PUS7: variants seen among roughly 807,000 people sequenced by gnomAD.
PUS7 encodes the protein pseudouridine synthase 7, also known as pseudouridylate synthase 7 homolog.
A neutral mutation model predicts 79.8 loss-of-function variants in PUS7; 48 were observed. That is an observed-to-expected ratio of 0.60 (90% CI 0.48 to 0.76). The LOEUF is 0.76. Among genes scored for constraint, PUS7 ranks in the 30% least tolerant of loss-of-function variants. The pLI is 0.00. For missense variants in PUS7, 729 were observed against 797.6 expected (o/e 0.91, Z 1.04); for synonymous variants, 286 against 272.2 (o/e 1.05, Z -0.50).
At chr7:105,492,690 A>G (rs1351910567) in intron 6 of PUS7, among the ~76,000 whole-genome samples, 1 of 151,350 alleles carries the variant, frequency 6.6e-6, no homozygotes, top group Non-Finnish European at 1.5e-5. Context: ...TATTTTTAGT[A>G]GAGACGGGGT....
intron 12 of PUS7, among the ~76,000 whole-genome samples, chr7:105,466,377 C>T (rs1823644329): frequency 6.6e-6 from 1 of 151,846 alleles, no homozygotes; most frequent in Non-Finnish European, 1.5e-5. Context: ...CCTGCCTCAC[C>T]CTCTCGAGAA....
chr7:105,493,298 C>T (rs761242205), intron 6 of PUS7, among the ~76,000 whole-genome samples: 4 of 152,198 alleles, frequency 2.6e-5, no homozygotes, highest in African/African-American at 7.2e-5. Context: ...ATTTTATAAA[C>T]TTAACCGTTC....
chr7:105,508,143 G>T lies in PUS7; in HGVS notation c.370C>A (p.Gln124Lys). 6.2e-7 allele frequency: 1 copy of T among 1,613,982 alleles called. No homozygotes were observed. The highest frequency in any genetic ancestry group is 1.1e-5 in the South Asian group (1 of 91,046). The change falls in exon 2 of 16, where the codon CAA (glutamine) becomes AAA (lysine). Residue 124 changes from glutamine (Q) to lysine (K), a missense_variant. Physicochemically the swap from Gln to Lys is moderately conservative, Grantham distance 53 (BLOSUM62 1). Coordinates refer to ENST00000469408, the MANE Select transcript of PUS7 (RefSeq NM_019042.5). ...VGITKFVSSH[Q>K]GFSGILKERY... ...TCTTTTAAGATTCCCGAGAACCCTT[G>T]ATGAGAACTCACAAACTTGGTGATG...
At position 105,505,778 on chromosome 7, in the gene PUS7, T is replaced by C. The variant is rs1440461806; in HGVS notation, c.585+177A>G. On this transcript the variant is annotated intron_variant, in intron 4 of 15. Coordinates refer to ENST00000469408, the MANE Select transcript of PUS7 (RefSeq NM_019042.5). ...ACTTTGGGGGGGGCTATAGTTTATC[T>C]GGGATACTAGTTATCTGCCCCAGTA... Among the ~76,000 whole-genome samples the C allele has an allele frequency of 3.9e-5, 6 of 152,190 alleles. 1 individual carries two copies. Among genetic ancestry groups the C allele is most frequent in the Admixed American group, 1.3e-4 (2 of 15,272 alleles).
At chr7:105,490,861 T>G (rs1824752503) in intron 7 of PUS7, among the ~76,000 whole-genome samples, 1 of 152,212 alleles carries the variant, frequency 6.6e-6, no homozygotes, top group Non-Finnish European at 1.5e-5. Flanking sequence ...CCTAGAGACA[T>G]TCTTTGCTAT....
intron 14 of PUS7, among the ~76,000 whole-genome samples, chr7:105,461,684 T>C (rs1409177905): frequency 6.6e-6 from 1 of 152,236 alleles, no homozygotes; most frequent in Non-Finnish European, 1.5e-5. Context: ...GGACATGTTC[T>C]AACCCTTGTC....
intron 5 of PUS7, among the ~76,000 whole-genome samples, chr7:105,498,797 T>C (rs1236257070): frequency 1.3e-5 from 2 of 152,186 alleles, no homozygotes; most frequent in Non-Finnish European, 2.9e-5. Flanking sequence ...AAAATATATA[T>C]TTTTCTTTTT....
At chr7:105,510,192 C>T (rs1360372503) in intron 1 of PUS7, among the ~76,000 whole-genome samples, 3 of 151,808 alleles carry the variant, frequency 2.0e-5, no homozygotes, top group Admixed American at 6.6e-5. Context: ...CCCAGCTACT[C>T]GGGAGACTGA....
intron 4 of PUS7, among the ~76,000 whole-genome samples, chr7:105,505,093 T>C (rs559737049): frequency 7.0e-6 from 1 of 142,000 alleles, no homozygotes; most frequent in Non-Finnish European, 1.6e-5. Flanking sequence ...CTCTGTCTCC[T>C]AGGTTCAAGA....
chr7:105,475,549 C>T (rs965664554), intron 9 of PUS7, among the ~76,000 whole-genome samples: 1 of 152,020 alleles, frequency 6.6e-6, no homozygotes, highest in African/African-American at 2.4e-5. Flanking sequence ...GTCTCGATCT[C>T]CTGACCTCCT....
intron 14 of PUS7, among the ~76,000 whole-genome samples, chr7:105,460,039 C>T (rs1040826242): frequency 6.6e-6 from 1 of 152,028 alleles, no homozygotes; most frequent in African/African-American, 2.4e-5. Context: ...CCCGGGTTCA[C>T]ACCATTCTCC....
At chr7:105,503,527 A>C (rs1335141615) in intron 4 of PUS7, among the ~76,000 whole-genome samples, 2 of 152,224 alleles carry the variant, frequency 1.3e-5, no homozygotes, top group Non-Finnish European at 2.9e-5. Flanking sequence ...TACTCAATAC[A>C]ACCACAAATG....
intron 2 of PUS7, among the ~76,000 whole-genome samples, chr7:105,506,576 C>A (rs889089927): frequency 6.6e-6 from 1 of 152,038 alleles, no homozygotes; most frequent in African/African-American, 2.4e-5. Context: ...GCACGTGCCA[C>A]CACGCCCAGC....
At chr7:105,476,647 C>T (rs1164220198) in intron 9 of PUS7, among the ~76,000 whole-genome samples, 2 of 152,124 alleles carry the variant, frequency 1.3e-5, no homozygotes, top group Non-Finnish European at 1.5e-5. Flanking sequence ...TGAGTCACTG[C>T]GCCTGGCCTA....
chr7:105,508,871 T>TAAAAAA (rs34249093), intron 1 of PUS7, among the ~76,000 whole-genome samples: 1 of 22,890 alleles, frequency 4.4e-5, no homozygotes, highest in South Asian at 4.8e-3. Flanking sequence ...GACATTGTCT[T>TAAAAAA]AAAAAAAAAA....
intron 9 of PUS7, among the ~76,000 whole-genome samples, chr7:105,473,620 T>C (rs1823964522): frequency 2.6e-5 from 4 of 151,440 alleles, no homozygotes; most frequent in Admixed American, 1.3e-4. Context: ...GGTTGTGCCA[T>C]GTTGGCCAGA....
At chr7:105,511,974 T>C (rs765866473) in intron 1 of PUS7, among the ~76,000 whole-genome samples, 25 of 151,628 alleles carry the variant, frequency 1.6e-4, no homozygotes, top group South Asian at 6.3e-4. Flanking sequence ...TAAAACCCCA[T>C]CTCTACTAAA....
chr7:105,522,066 C>G lies in PUS7; in HGVS notation c.-47G>C, dbSNP rs111324395. ...CGCGCACTTACCCGGAGCCTGGGAG[C>G]GCGGGCGCGGCGTGAGCTGGGCGGC... On this transcript the variant is annotated 5_prime_UTR_variant, in exon 1 of 16. Coordinates refer to ENST00000469408, the MANE Select transcript of PUS7 (RefSeq NM_019042.5). The G allele has an allele frequency of 6.5e-6, 1 of 152,746 alleles. No homozygotes were observed. The highest frequency in any genetic ancestry group is 1.5e-5 in the Non-Finnish European group (1 of 68,646). 9.5% of individuals were successfully genotyped at this position (152,746 alleles called of 1,614,324 possible).
Position 105,470,827 on chromosome 7 carries a change from T to C in PUS7, c.1259A>G (p.Lys420Arg), listed in dbSNP as rs1823844602. The C allele has an allele frequency of 6.2e-7, 1 of 1,603,170 alleles. No individual in the cohort carries two copies. The highest frequency in any genetic ancestry group is 8.5e-7 in the Non-Finnish European group (1 of 1,172,292). ...GGTCTTTGCCCATTCTTCTCTGCAT[T>C]TAACCAAGTAGCCCTTTTCAGCTGC... ...RSGAEKGYLV[K>R]CREEWAKTKD... is the part of the protein sequence containing the mutation. The change falls in exon 11 of 16, where the codon AAA becomes AGA. Residue 420 changes from lysine to arginine, a missense_variant. Transcript: ENST00000469408.
Sources: gnomAD v4.1 joint callset for allele counts (sites outside exome capture counted in the v4.1 genomes callset) on GRCh38, gnomAD v4.1.1 for gene constraint, MANE v1.5 for transcripts, NCBI Gene and HGNC (gene_info 2026-07-23, HGNC 2026-07-21) for gene names.